Variants in CMSS1 observed in about 807,000 individuals in gnomAD.
The protein encoded by CMSS1 is cms1 ribosomal small subunit homolog.
A neutral mutation model predicts 43.5 loss-of-function variants in CMSS1; 33 were observed. The observed-to-expected ratio is 0.76, with a 90% CI of 0.57 to 1.01. The LOEUF is 1.01. CMSS1 is among the 50% of genes least tolerant of loss of function. CMSS1 has a pLI of 0.00. For missense variants in CMSS1, 313 were observed against 326.4 expected (o/e 0.96, Z 0.32); for synonymous variants, 115 against 117.2 (o/e 0.98, Z 0.12).
intron 1 of CMSS1, among the ~76,000 whole-genome samples, chr3:100,037,764 G>C (rs1469527360): frequency 6.6e-6 from 1 of 152,078 alleles, no homozygotes; most frequent in Non-Finnish European, 1.5e-5. Context: ...GTGTATAAGT[G>C]AATGTTTAAA....
intron 1 of CMSS1, among the ~76,000 whole-genome samples, chr3:99,996,815 C>T (rs1318522856): frequency 6.6e-6 from 1 of 151,864 alleles, no homozygotes; most frequent in Admixed American, 6.6e-5. Flanking sequence ...AATTATCTCC[C>T]ACCGAGTCCC....
chr3:99,827,199 G>T (rs1283380806), intron 1 of CMSS1, among the ~76,000 whole-genome samples: 1 of 151,998 alleles, frequency 6.6e-6, no homozygotes, highest in African/African-American at 2.4e-5. Context: ...TTTATTTATT[G>T]TTATTATTTT....
At chr3:99,841,345 A>G (rs1943122014) in intron 1 of CMSS1, among the ~76,000 whole-genome samples, 1 of 152,216 alleles carries the variant, frequency 6.6e-6, no homozygotes, top group African/African-American at 2.4e-5. Flanking sequence ...CATTTCTACT[A>G]TGCCTGTGGC....
chr3:100,004,409 T>C (rs1709930308), intron 1 of CMSS1, among the ~76,000 whole-genome samples: 1 of 152,108 alleles, frequency 6.6e-6, no homozygotes, highest in African/African-American at 2.4e-5. Flanking sequence ...TTTGTGTTCA[T>C]AAGAGAACTG....
At chr3:99,876,513 A>G (rs577000173) in intron 1 of CMSS1, among the ~76,000 whole-genome samples, 9 of 152,358 alleles carry the variant, frequency 5.9e-5, no homozygotes, top group East Asian at 3.9e-4. Flanking sequence ...AGGGACTTCA[A>G]TACACATCCT....
intron 1 of CMSS1, among the ~76,000 whole-genome samples, chr3:100,118,568 C>T (rs531990828): frequency 4.6e-5 from 7 of 152,204 alleles, no homozygotes; most frequent in Non-Finnish European, 7.4e-5. Flanking sequence ...AGTATCCATG[C>T]GGCCTCTGTT....
chr3:99,912,791 C>T (rs1382665361), intron 1 of CMSS1, among the ~76,000 whole-genome samples: 1 of 152,204 alleles, frequency 6.6e-6, no homozygotes, highest in Non-Finnish European at 1.5e-5. Flanking sequence ...TCTTGACTAT[C>T]ATGAATAATG....
intron 1 of CMSS1, among the ~76,000 whole-genome samples, chr3:99,846,530 G>A (rs1388247707): frequency 6.6e-6 from 1 of 152,196 alleles, no homozygotes; most frequent in African/African-American, 2.4e-5. Context: ...AGACCATCAT[G>A]TATTTTGTAA....
At chr3:99,873,464 T>A (rs1265855786) in intron 1 of CMSS1, among the ~76,000 whole-genome samples, 1 of 152,200 alleles carries the variant, frequency 6.6e-6, no homozygotes, top group Non-Finnish European at 1.5e-5. Context: ...ACAGTTCTCT[T>A]CTTGCCCCTC....
Position 100,176,416 on chromosome 3 carries a change from G to T in CMSS1, c.756+1G>T, listed in dbSNP as rs748278479. ...GAGGAGAATGATGGACATTCCCGAGGTACCACGTAACCAGCAGTTGCCTTT... is the reference window on the plus strand; with the variant it reads ...GAGGAGAATGATGGACATTCCCGAGTTACCACGTAACCAGCAGTTGCCTTT... On this transcript the variant is annotated splice_donor_variant, in intron 9 of 9. Transcript: ENST00000421999. LOFTEE classifies it high-confidence loss of function. 6.2e-7 allele frequency: 1 copy of T among 1,603,950 alleles called. No homozygotes were observed. Among genetic ancestry groups the T allele is most frequent in the Non-Finnish European group, 8.5e-7 (1 of 1,171,176 alleles).
intron 1 of CMSS1, chr3:99,931,019 A>C (rs754196696): frequency 1.9e-6 from 3 of 1,613,266 alleles, no homozygotes; most frequent in Non-Finnish European, 2.5e-6. Flanking sequence ...TCTGGAACGC[A>C]TTCTTTAAAG....
intron 1 of CMSS1, among the ~76,000 whole-genome samples, chr3:99,867,689 T>G (rs1295641738): frequency 6.6e-6 from 1 of 152,124 alleles, no homozygotes; most frequent in Non-Finnish European, 1.5e-5. Context: ...AAATCTCAGT[T>G]CCACAAAATA....
intron 1 of CMSS1, among the ~76,000 whole-genome samples, chr3:99,981,865 A>C (rs1471488240): frequency 1.3e-5 from 2 of 152,188 alleles, no homozygotes; most frequent in Admixed American, 6.5e-5. Context: ...ACGGCCAGGC[A>C]TGGTGGCTCA....
At chr3:99,944,571 C>T (rs1707951629) in intron 1 of CMSS1, among the ~76,000 whole-genome samples, 1 of 152,226 alleles carries the variant, frequency 6.6e-6, no homozygotes, top group African/African-American at 2.4e-5. Flanking sequence ...TACTCTGATT[C>T]ATCTGCACTT....
At chr3:99,972,581 G>T (rs1436086576) in intron 1 of CMSS1, among the ~76,000 whole-genome samples, 1 of 152,156 alleles carries the variant, frequency 6.6e-6, no homozygotes, top group South Asian at 2.1e-4. Context: ...ATTCTTTCCA[G>T]AGTAAATAAC....
intron 1 of CMSS1, among the ~76,000 whole-genome samples, chr3:99,827,830 C>A (rs1280518374): frequency 1.3e-5 from 2 of 152,268 alleles, no homozygotes; most frequent in South Asian, 2.1e-4. Flanking sequence ...GTCTCGAACT[C>A]CCAACCTCAG....
intron 1 of CMSS1, among the ~76,000 whole-genome samples, chr3:99,995,578 G>A (rs1199655081): frequency 2.0e-5 from 3 of 152,190 alleles, no homozygotes; most frequent in Non-Finnish European, 4.4e-5. Context: ...GAGCACATTT[G>A]CCTTCCACAC....
intron 1 of CMSS1, chr3:99,924,272 T>G (rs1707217091): frequency 6.2e-7 from 1 of 1,614,022 alleles, no homozygotes; most frequent in Admixed American, 1.7e-5. Flanking sequence ...TTCATCACTC[T>G]TCTCCATGTA....
At chr3:99,983,390 A>ATATGTG (rs1491200362) in intron 1 of CMSS1, among the ~76,000 whole-genome samples, 1 of 11,340 alleles carries the variant, frequency 8.8e-5, no homozygotes, top group Non-Finnish European at 2.3e-4. Context: ...AAATAAATAA[A>ATATGTG]TATATATATA....
Sources: allele counts gnomAD v4.1 joint callset (sites outside exome capture counted in the v4.1 genomes callset), GRCh38; gene constraint gnomAD v4.1.1; transcripts MANE v1.5; gene names NCBI Gene and HGNC (gene_info 2026-07-23, HGNC 2026-07-21).